GREB1: variants seen among roughly 807,000 people sequenced by gnomAD.
The protein encoded by GREB1 is growth regulating estrogen receptor binding 1, also known as protein GREB1.
A neutral mutation model predicts 200.7 loss-of-function variants in GREB1; 106 were observed. The ratio of observed to expected loss-of-function variants is 0.53; its 90% CI spans 0.45 to 0.62. GREB1 has a LOEUF of 0.62. Among genes scored for constraint, GREB1 ranks in the 20% least tolerant of loss-of-function variants. The probability of loss-of-function intolerance (pLI) is 0.00; values close to 1 mark genes in which losing one functional copy is unlikely to be tolerated. For synonymous variants in GREB1, 1,132 were observed against 1,092.4 expected (o/e 1.04, Z -0.72); for missense variants, 2,243 against 2,556.8 (o/e 0.88, Z 2.65).
intron 11 of GREB1, among the ~76,000 whole-genome samples, chr2:11,594,736 A>G (rs1219894104): frequency 6.6e-6 from 1 of 151,994 alleles, no homozygotes; most frequent in Non-Finnish European, 1.5e-5. Flanking sequence ...TCTGTCGCCC[A>G]GGCTGGAGTG....
intron 1 of GREB1, among the ~76,000 whole-genome samples, chr2:11,551,332 C>G (rs1269753221): frequency 6.6e-6 from 1 of 152,204 alleles, no homozygotes; most frequent in African/African-American, 2.4e-5. Context: ...CTTTTTGTGC[C>G]TCACTCTTAA....
intron 1 of GREB1, among the ~76,000 whole-genome samples, chr2:11,511,326 T>C (rs941109291): frequency 1.4e-4 from 21 of 152,322 alleles, no homozygotes; most frequent in African/African-American, 5.1e-4. Context: ...AGTTACATTT[T>C]TCCCCAGATT....
intron 1 of GREB1, among the ~76,000 whole-genome samples, chr2:11,547,014 C>T (rs959389114): frequency 6.7e-6 from 1 of 148,924 alleles, no homozygotes; most frequent in Non-Finnish European, 1.5e-5. Context: ...GGCGCAATCT[C>T]GGCTCACGCA....
At chr2:11,581,145 G>A in intron 7 of GREB1, 1 of 588,722 alleles carries the variant, frequency 1.7e-6, no homozygotes, top group Non-Finnish European at 3.0e-6. Flanking sequence ...ATAGTGGGCA[G>A]TGTGTTGTTG....
intron 27 of GREB1, among the ~76,000 whole-genome samples, chr2:11,632,533 T>C (rs1684967872): frequency 6.6e-6 from 1 of 152,144 alleles, no homozygotes; most frequent in African/African-American, 2.4e-5. Flanking sequence ...AGACGGGGTT[T>C]CACCATGTTG....
intron 3 of GREB1, 181 bp downstream of exon 3, chr2:11,562,763 T>A: frequency 2.8e-5 from 16 of 562,068 alleles, no homozygotes; most frequent in South Asian, 1.8e-4. Flanking sequence ...CGGCCTGCCC[T>A]CCTGAAACAG....
chr2:11,638,084 G>A (rs1685526461), intron 31 of GREB1, among the ~76,000 whole-genome samples, 168 bp downstream of exon 31: 1 of 152,222 alleles, frequency 6.6e-6, no homozygotes, highest in Admixed American at 6.5e-5. Flanking sequence ...TGCTTTGCCT[G>A]GAAGTAAGAC....
rs77527122 is a variant in GREB1 at position 11,618,552 on chromosome 2, C to T, written c.3677C>T (p.Ser1226Leu). 3.1e-5 allele frequency: 50 copies of T among 1,612,744 alleles called. No homozygotes were observed. In the East Asian group the frequency reaches 5.6e-4, roughly 18 times the overall value. ...TCGTGCTCCCAGCTGTCCTCCTCCT[C>T]GGGCTCATCCTCCTCATCCGTGGCG... ...TSSCSQLSSS[S>L]GSSSSSVAPA... Residue 1226 changes from serine to leucine, a missense_variant, in exon 22 of 33, where the codon TCG (serine) becomes TTG (leucine). Ser to Leu is a moderately radical substitution (Grantham distance 145). Coordinates refer to ENST00000381486, the MANE Select transcript of GREB1 (RefSeq NM_014668.4).
Position 11,600,953 on chromosome 2 carries a change from C to T in GREB1, c.2487C>T (p.Ile829=). The T allele has an allele frequency of 6.2e-7, 1 of 1,613,930 alleles. No homozygotes were observed. Among genetic ancestry groups the T allele is most frequent in the Non-Finnish European group, 8.5e-7 (1 of 1,179,824 alleles). The change falls in exon 16 of 33, where the codon ATC becomes ATT. Residue 829 remains isoleucine, a synonymous_variant. Transcript: ENST00000381486. The stretch of plus-strand genomic sequence containing the variant: ...CACTGCAGACACAGCACACCCTCAT[C>T]AGCCCCTACAACGAGATCCACTGGC... ...PYALQTQHTL[I]SPYNEIHWPA...
Position 11,641,696 on chromosome 2 carries a change from C to G in GREB1, c.*1242C>G, listed in dbSNP as rs988457636. The G allele has an allele frequency of 8.5e-5, 13 of 152,084 alleles. No homozygotes were observed. The highest frequency in any genetic ancestry group is 3.1e-4 in the African/African-American group (13 of 41,388). The allele number at this position is 152,084 out of a possible 1,614,324, so 9.4% of individuals were successfully genotyped here. The stretch of plus-strand genomic sequence containing the variant: ...AGAGACGGGGTTTCACCATGTTAGC[C>G]AGGATGGTCTCGATCTCCTGACCTC... On this transcript the variant is annotated 3_prime_UTR_variant, in exon 33 of 33. Transcript: ENST00000381486.
intron 1 of GREB1, among the ~76,000 whole-genome samples, chr2:11,509,510 C>G (rs997423834): frequency 6.6e-6 from 1 of 152,082 alleles, no homozygotes; most frequent in Non-Finnish European, 1.5e-5. Context: ...CGTTATCACA[C>G]CTAAAAAACA....
intron 17 of GREB1, among the ~76,000 whole-genome samples, chr2:11,607,595 T>TATATATACATATAC (rs1553373774): frequency 7.3e-6 from 1 of 136,478 alleles, no homozygotes; most frequent in African/African-American, 3.0e-5. Context: ...CATATATACA[T>TATATATACATATAC]ATATATACAT....
chr2:11,629,356 G>A lies in GREB1; in HGVS notation c.4450-592G>A, dbSNP rs1370423803. ...CTGGGAAGTGGAGGCTGGAGGAGGT[G>A]ACTAAGGGCGCAGCCAGACTTGGTG... On this transcript the variant is annotated intron_variant, in intron 25 of 32. Transcript: ENST00000381486. The surrounding 1 kb of genome is among the most constrained non-coding windows in gnomAD (Gnocchi z 5.2). 1.3e-5 allele frequency among the ~76,000 whole-genome samples: 2 copies of A among 152,178 alleles called. No individual in the cohort carries two copies. Among genetic ancestry groups the A allele is most frequent in the Non-Finnish European group, 2.9e-5 (2 of 68,032 alleles).
At position 11,523,320 on chromosome 2, in the gene GREB1, C is replaced by A. The variant is rs192030210; in HGVS notation, c.-158-33137C>A. On this transcript the variant is annotated intron_variant, in intron 1 of 2. Transcript: ENST00000628795. ...GGGTGATGAAACAATCTGTGCAAAA[C>A]CCCCCCCATGACATGAGTTTACCTG... Among the ~76,000 whole-genome samples, 14 of 150,082 alleles carry A rather than the reference C, an allele frequency of 9.3e-5. 1 individual carries two copies. In the East Asian group the frequency reaches 2.5e-3, roughly 27 times the overall value.
At chr2:11,612,442 G>A in intron 18 of GREB1, 53 bp from the exon 19 acceptor site, 1 of 1,524,284 alleles carries the variant, frequency 6.6e-7, no homozygotes, top group Non-Finnish European at 9.1e-7. Context: ...TCTGAGCTGG[G>A]CTGGTTGGGA....
chr2:11,550,215 C>T (rs2147812763), intron 1 of GREB1, among the ~76,000 whole-genome samples: 2 of 152,252 alleles, frequency 1.3e-5, no homozygotes, highest in South Asian at 4.1e-4. Flanking sequence ...GAAACTCTGT[C>T]TCAAAAATAA....
rs1675504737 is a variant in GREB1, at chr2:11,548,404, A to G, written c.-161-8050A>G. On this transcript the variant is annotated intron_variant, in intron 1 of 32. Coordinates refer to ENST00000381486, the MANE Select transcript of GREB1 (RefSeq NM_014668.4). The surrounding 1 kb of genome is among the most constrained non-coding windows in gnomAD (Gnocchi z 5.1). ...CACACCCACATACATACACATACAC[A>G]TGCCTTTCCCTTTTCTCATTCTTCC... Among the ~76,000 whole-genome samples, 1 of 150,954 alleles carries G rather than the reference A, an allele frequency of 6.6e-6. No homozygotes were observed. The highest frequency in any genetic ancestry group is 2.5e-5 in the African/African-American group (1 of 40,356).
In GREB1 at chr2:11,485,261, A is replaced by ATTTTATTT. The variant is rs1180820409; in HGVS notation, c.-159+2881_-159+2882insTTTATTTT. Reference sequence around the variant, plus strand: ...CATTTATTTTATTTTATTTTATTTTATATATATATATGTATTTTTTTTTTT... The same window carrying ATTTTATTT: ...CATTTATTTTATTTTATTTTATTTTATTTTATTTTATATATATATGTATTTTTTTTTTT... On this transcript the variant is annotated intron_variant, in intron 1 of 2. Transcript: ENST00000628795. Among the ~76,000 whole-genome samples, 844 of 117,246 alleles carry ATTTTATTT rather than the reference A, an allele frequency of 7.2e-3. 9 individuals are homozygous for ATTTTATTT. Among genetic ancestry groups the ATTTTATTT allele is most frequent in the African/African-American group, 0.025 (812 of 31,920 alleles). 76.9% of individuals were successfully genotyped at this position (117,246 alleles called of 152,430 possible).
intron 23 of GREB1, among the ~76,000 whole-genome samples, chr2:11,623,762 G>A (rs903497933): frequency 4.6e-5 from 7 of 152,090 alleles, no homozygotes; most frequent in African/African-American, 9.7e-5. Flanking sequence ...GTGGTGGCAC[G>A]CGCCTGTAAT....
Sources: allele counts gnomAD v4.1 joint callset (sites outside exome capture counted in the v4.1 genomes callset), GRCh38; gene constraint gnomAD v4.1.1; non-coding constraint Gnocchi (gnomAD v3.1); transcripts MANE v1.5; gene names NCBI Gene and HGNC (gene_info 2026-07-23, HGNC 2026-07-21).